MROH9: variants seen among roughly 807,000 people sequenced by gnomAD.
MROH9 encodes the protein maestro heat-like repeat-containing protein family member 9.
MROH9 carries 92 observed loss-of-function variants against 98.2 expected under a neutral mutation model. That is an observed-to-expected ratio of 0.94 (90% CI 0.79 to 1.11). The LOEUF (loss-of-function observed/expected upper bound fraction) is 1.11, where lower values mean the gene tolerates loss of function less well. Among genes scored for constraint, MROH9 ranks in the 50% most tolerant of loss-of-function variants. The probability of loss-of-function intolerance (pLI) is 0.00; values close to 1 mark genes in which losing one functional copy is unlikely to be tolerated. For missense variants in MROH9, 1,057 were observed against 1,014.8 expected, an observed-to-expected ratio of 1.04 and a Z score of -0.57; for synonymous variants, 397 against 368.9, an observed-to-expected ratio of 1.08 and a Z score of -0.87.
intron 20 of MROH9, among the ~76,000 whole-genome samples, chr1:171,030,958 G>T (rs1230551251): frequency 6.6e-5 from 10 of 152,170 alleles, no homozygotes; most frequent in African/African-American, 2.4e-4. Flanking sequence ...TTATGAATCT[G>T]GGTGTGCCTG....
intron 20 of MROH9, among the ~76,000 whole-genome samples, chr1:171,032,485 T>C (rs1490213672): frequency 1.3e-5 from 2 of 152,164 alleles, no homozygotes; most frequent in African/African-American, 2.4e-5. Context: ...TTGTTGTTTT[T>C]GTTGTTTCTT....
intron 15 of MROH9, among the ~76,000 whole-genome samples, chr1:171,003,546 C>T (rs1297868540): frequency 2.0e-5 from 3 of 152,176 alleles, no homozygotes; most frequent in Admixed American, 6.5e-5. Context: ...GTCTACCAGC[C>T]TCTGGGCTGG....
chr1:170,991,536 C>T (rs1651354498), intron 11 of MROH9, among the ~76,000 whole-genome samples: 1 of 152,076 alleles, frequency 6.6e-6, no homozygotes, highest in Admixed American at 6.6e-5. Context: ...AGATGTATAG[C>T]AGTTTCTAAG....
intron 8 of MROH9, among the ~76,000 whole-genome samples, chr1:170,979,798 C>A (rs1296032697): frequency 3.3e-5 from 5 of 152,120 alleles, no homozygotes; most frequent in African/African-American, 1.2e-4. Flanking sequence ...GAGAGGAAGT[C>A]ATCTCTGTTT....
At chr1:171,062,976 C>T (rs1022640243) in intron 21 of MROH9, among the ~76,000 whole-genome samples, 11 of 152,000 alleles carry the variant, frequency 7.2e-5, no homozygotes, top group African/African-American at 2.7e-4. Context: ...CATTACCTTC[C>T]TTCCTTATTC....
chr1:171,063,960 T>G, intron 21 of MROH9, 139 bp from the exon 22 acceptor site: 1 of 847,338 alleles, frequency 1.2e-6, no homozygotes, highest in Non-Finnish European at 1.8e-6. Flanking sequence ...CAGCCAAAGT[T>G]ACAAAATGCA....
chr1:171,034,488 C>T (rs1653031901), intron 20 of MROH9, among the ~76,000 whole-genome samples: 1 of 152,180 alleles, frequency 6.6e-6, no homozygotes, highest in African/African-American at 2.4e-5. Context: ...CCCAAGCTCC[C>T]TTGCCAGCTT....
intron 20 of MROH9, among the ~76,000 whole-genome samples, chr1:171,032,589 C>T (rs928271434): frequency 2.0e-5 from 3 of 152,150 alleles, no homozygotes; most frequent in Non-Finnish European, 4.4e-5. Flanking sequence ...ATCTGATTCA[C>T]TCCCGTGCCT....
intron 3 of MROH9, among the ~76,000 whole-genome samples, chr1:170,957,440 T>C (rs190045337): frequency 2.0e-5 from 3 of 152,326 alleles, no homozygotes; most frequent in Non-Finnish European, 2.9e-5. Flanking sequence ...CCTTTGCCCA[T>C]TGTGAATTCT....
chr1:170,992,443 T>G (rs1230522686), intron 12 of MROH9, 114 bp downstream of exon 12: 2 of 1,064,250 alleles, frequency 1.9e-6, no homozygotes, highest in Non-Finnish European at 2.7e-6. Flanking sequence ...TTCTCATGCA[T>G]CCATTCATGC....
At chr1:170,959,242 G>A (rs2101890028) in intron 4 of MROH9, among the ~76,000 whole-genome samples, 1 of 152,216 alleles carries the variant, frequency 6.6e-6, no homozygotes, top group South Asian at 2.1e-4. Flanking sequence ...AGGCGTGGTG[G>A]CGGGCGCCTG....
At chr1:171,017,631 G>A (rs1022002207) in intron 17 of MROH9, among the ~76,000 whole-genome samples, 2 of 151,654 alleles carry the variant, frequency 1.3e-5, no homozygotes, top group Non-Finnish European at 2.9e-5. Flanking sequence ...CAGACTGATA[G>A]CCACCTAACA....
chr1:171,029,659 G>A (rs757978961), intron 20 of MROH9, among the ~76,000 whole-genome samples: 5 of 152,072 alleles, frequency 3.3e-5, no homozygotes, highest in Non-Finnish European at 7.4e-5. Flanking sequence ...CGATCGTGGT[G>A]GGTAAGTTTT....
At position 171,064,363 on chromosome 1, in the gene MROH9, T is replaced by C. The variant is rs1305566848; in HGVS notation, c.*23T>C. 21 of 1,510,822 alleles carry C rather than the reference T, an allele frequency of 1.4e-5. No homozygotes were observed. Among genetic ancestry groups the C allele is most frequent in the Non-Finnish European group, 1.8e-5 (20 of 1,133,620 alleles). The allele number at this position is 1,510,822 out of a possible 1,614,324, so 93.6% of individuals were successfully genotyped here. On this transcript the variant is annotated 3_prime_UTR_variant, in exon 22 of 22. Transcript: ENST00000367759. ...TAGAAGAGAATGATGATGACATTCA[T>C]CATTCATAAACAATGGGAAGTCCAA...
Position 170,968,368 on chromosome 1 carries a change from G to C in MROH9, c.480+3113G>C, listed in dbSNP as rs533562454. Among the ~76,000 whole-genome samples, 3 of 152,282 alleles carry C rather than the reference G, an allele frequency of 2.0e-5. No individual in the cohort carries two copies. The South Asian group carries it at 6.2e-4, about 32-fold the overall frequency. ...CATTGTTAAGCTCCCTGAGAAAAGA[G>C]TCTTGCATTCTGTCTAGCTATACTA... is the stretch of plus-strand genomic sequence containing the variant. On this transcript the variant is annotated intron_variant, in intron 7 of 21. Transcript: ENST00000367759.
At chr1:171,032,002 G>T (rs1267275702) in intron 20 of MROH9, among the ~76,000 whole-genome samples, 2 of 151,924 alleles carry the variant, frequency 1.3e-5, no homozygotes, top group Non-Finnish European at 2.9e-5. Context: ...CTCTAGTCTT[G>T]TCTGCATGCC....
Position 170,992,205 on chromosome 1 carries a change from G to A in MROH9, c.1070G>A (p.Ser357Asn). ...QMWKAACSQA[S>N]VAPHVLKTIL... ...TGGAAGGCGGCATGTTCTCAGGCGAGCGTGGCCCCTCACGTGCTGAAGACA... is the reference window on the plus strand; with the variant it reads ...TGGAAGGCGGCATGTTCTCAGGCGAACGTGGCCCCTCACGTGCTGAAGACA... The change falls in exon 12 of 22, where the codon AGC becomes AAC. Residue 357 changes from serine (S) to asparagine (N), a missense_variant. Coordinates refer to ENST00000367759, the MANE Select transcript of MROH9 (RefSeq NM_001163629.2). The A allele has an allele frequency of 6.2e-7, 1 of 1,613,152 alleles. No homozygotes were observed. Among genetic ancestry groups the A allele is most frequent in the Non-Finnish European group, 8.5e-7 (1 of 1,179,552 alleles).
chr1:171,000,624 T>G (rs544193695), intron 15 of MROH9, among the ~76,000 whole-genome samples: 3 of 152,298 alleles, frequency 2.0e-5, no homozygotes, highest in Non-Finnish European at 2.9e-5. Context: ...TCTGATTTGT[T>G]GTTGAATTCA....
At chr1:171,057,603 G>A (rs900083420) in intron 20 of MROH9, among the ~76,000 whole-genome samples, 7 of 152,052 alleles carry the variant, frequency 4.6e-5, no homozygotes, top group Non-Finnish European at 1.0e-4. Context: ...TGCAAATCCA[G>A]GAAAAGAGAG....
Sources: gnomAD v4.1 joint callset for allele counts (sites outside exome capture counted in the v4.1 genomes callset) on GRCh38, gnomAD v4.1.1 for gene constraint, MANE v1.5 for transcripts, NCBI Gene and HGNC (gene_info 2026-07-23, HGNC 2026-07-21) for gene names.